GRIN2A: variants seen among roughly 807,000 people sequenced by gnomAD.
The protein encoded by GRIN2A is glutamate receptor ionotropic, NMDA 2A.
In GRIN2A, 22 loss-of-function variants were observed where a neutral mutation model predicts 113.4. That is an observed-to-expected ratio of 0.19 (90% CI 0.14 to 0.28). GRIN2A has a LOEUF of 0.28. Ranked by LOEUF, GRIN2A falls within the 10% of genes least tolerant of loss-of-function variation. The pLI is 1.00. For synonymous variants in GRIN2A, 827 were observed against 738.4 expected (o/e 1.12, Z -1.94); for missense variants, 1,502 against 1,887.0 (o/e 0.80, Z 3.78).
intron 2 of GRIN2A, among the ~76,000 whole-genome samples, chr16:9,970,256 G>C (rs1474818665): frequency 6.6e-6 from 1 of 152,152 alleles, no homozygotes; most frequent in Non-Finnish European, 1.5e-5. Context: ...TGACCTGTAA[G>C]GTTCATAGTC....
intron 4 of GRIN2A, among the ~76,000 whole-genome samples, chr16:9,877,612 C>T (rs2043393481): frequency 7.7e-6 from 1 of 130,020 alleles, no homozygotes; most frequent in Non-Finnish European, 1.6e-5. Context: ...CCCCTTCTCT[C>T]TCCCCCTTCC....
intron 4 of GRIN2A, among the ~76,000 whole-genome samples, chr16:9,861,707 C>T (rs727605): frequency 0.31 from 46,425 of 151,994 alleles, 7,268 homozygotes; most frequent in African/African-American, 0.34. Context: ...TGAAATCAAG[C>T]GTCACTTTGG....
At chr16:9,847,513 C>G (rs914576856) in intron 5 of GRIN2A, among the ~76,000 whole-genome samples, 1 of 151,728 alleles carries the variant, frequency 6.6e-6, no homozygotes, top group Admixed American at 6.6e-5. Context: ...TGCAGTGAGC[C>G]GTGATCACAC....
intron 4 of GRIN2A, among the ~76,000 whole-genome samples, chr16:9,885,806 G>A (rs76817839): frequency 0.019 from 2,884 of 152,336 alleles, 32 homozygotes; most frequent in Non-Finnish European, 0.027. Context: ...AGCACACGGA[G>A]TTATTTCTGA....
intron 2 of GRIN2A, among the ~76,000 whole-genome samples, chr16:10,020,156 G>A (rs1043221599): frequency 3.9e-5 from 6 of 152,216 alleles, no homozygotes; most frequent in African/African-American, 1.4e-4. Flanking sequence ...GCTCACGCCT[G>A]TAATCCCAGC....
intron 2 of GRIN2A, among the ~76,000 whole-genome samples, chr16:10,020,325 A>T (rs976929652): frequency 7.3e-5 from 11 of 151,576 alleles, no homozygotes; most frequent in Non-Finnish European, 1.6e-4. Context: ...GCTCATTGAA[A>T]CTCTTTGGGC....
chr16:10,096,619 C>G (rs79115472), intron 2 of GRIN2A, among the ~76,000 whole-genome samples: 2 of 151,538 alleles, frequency 1.3e-5, no homozygotes, highest in Admixed American at 1.3e-4. Flanking sequence ...CCCACATCAC[C>G]TTTCCCAAAT....
chr16:10,052,531 T>C lies in GRIN2A; in HGVS notation c.415-113980A>G, dbSNP rs190585429. Among the ~76,000 whole-genome samples the C allele has an allele frequency of 7.2e-5, 11 of 152,338 alleles. No individual in the cohort carries two copies. The East Asian group carries it at 2.1e-3, about 29-fold the overall frequency. ...CTGCCCCAGGGGACATGAATGATGC[T>C]TCTAGCCAGGGAGAGGGGTGGGCTA... On this transcript the variant is annotated intron_variant, in intron 2 of 12. Transcript: ENST00000330684.
In GRIN2A at chr16:10,055,046, T is replaced by TAAAAAAAAAAAAAAAAAAAAAAAA. The variant is rs1567266287; in HGVS notation, c.415-116496_415-116495insTTTTTTTTTTTTTTTTTTTTTTTT. On this transcript the variant is annotated intron_variant, in intron 2 of 12. Transcript: ENST00000330684. ...CCAGGCAACAGAGCGAGACTCTATC[T>TAAAAAAAAAAAAAAAAAAAAAAAA]CAAAAAAAAAAAAAAAAAAAAAAAA... 7.2e-4 allele frequency among the ~76,000 whole-genome samples: 9 copies of TAAAAAAAAAAAAAAAAAAAAAAAA among 12,486 alleles called. 2 individuals carry two copies. The highest frequency in any genetic ancestry group is 1.1e-3 in the Non-Finnish European group (8 of 7,466). The allele number at this position is 12,486 out of a possible 152,430, so 8.2% of individuals were successfully genotyped here. A position where few individuals can be genotyped will look rare whatever the true frequency, so the allele number is the denominator to read the frequency against.
At position 10,110,352 on chromosome 16, in the gene GRIN2A, A is replaced by C. The variant is rs143352273; in HGVS notation, c.414+69646T>G. On this transcript the variant is annotated intron_variant, in intron 2 of 12. Coordinates refer to ENST00000330684, the MANE Select transcript of GRIN2A (RefSeq NM_001134407.3). ...GGCTAGATCACACAGGACCTCATCAAGGTAAATAGTTTGGATTTTTTAATA... is the reference window on the plus strand; with the variant it reads ...GGCTAGATCACACAGGACCTCATCACGGTAAATAGTTTGGATTTTTTAATA... Among the ~76,000 whole-genome samples the C allele has an allele frequency of 2.6e-3, 392 of 152,370 alleles. 1 individual carries two copies. The highest frequency in any genetic ancestry group is 9.0e-3 in the African/African-American group (373 of 41,590).
intron 2 of GRIN2A, among the ~76,000 whole-genome samples, chr16:9,976,109 C>A (rs1407754474): frequency 6.6e-6 from 1 of 152,202 alleles, no homozygotes; most frequent in African/African-American, 2.4e-5. Context: ...TATAAACCAA[C>A]TTTTTAAAAT....
chr16:9,822,126 C>T, intron 10 of GRIN2A, 138 bp downstream of exon 10: 1 of 935,426 alleles, frequency 1.1e-6, no homozygotes, highest in African/African-American at 1.6e-5. Flanking sequence ...AAACTGCCCT[C>T]AACTGGGGCC....
At chr16:10,001,126 C>T (rs373535135) in intron 2 of GRIN2A, among the ~76,000 whole-genome samples, 21 of 152,292 alleles carry the variant, frequency 1.4e-4, no homozygotes, top group Middle Eastern at 3.4e-3. Flanking sequence ...TTCCTTTCTT[C>T]GCCTCAGTTT....
chr16:9,859,476 C>T (rs1028673026), intron 4 of GRIN2A, among the ~76,000 whole-genome samples: 3 of 152,020 alleles, frequency 2.0e-5, no homozygotes, highest in Admixed American at 1.3e-4. Context: ...ACATGAACCT[C>T]TACATAAAAG....
At chr16:10,034,498 C>T (rs1188517619) in intron 2 of GRIN2A, among the ~76,000 whole-genome samples, 2 of 120,522 alleles carry the variant, frequency 1.7e-5, no homozygotes, top group Non-Finnish European at 3.2e-5. Flanking sequence ...GCACCCCAGG[C>T]TGGACGATAA....
chr16:10,041,910 T>C (rs2047173701), intron 2 of GRIN2A, among the ~76,000 whole-genome samples: 1 of 152,232 alleles, frequency 6.6e-6, no homozygotes, highest in African/African-American at 2.4e-5. Flanking sequence ...TATTTGTTCC[T>C]TTCCACATTC....
chr16:9,840,873 C>G (rs2042664427), intron 6 of GRIN2A, 63 bp downstream of exon 6: 4 of 1,538,878 alleles, frequency 2.6e-6, no homozygotes, highest in Non-Finnish European at 3.6e-6. Context: ...TTCCTGCTAA[C>G]ATTCCTGAGG....
Position 9,825,979 on chromosome 16 carries a change from G to C in GRIN2A, c.2007+3444C>G, listed in dbSNP as rs115631015. ...GAAGATGATGGAAGGAGTAGGAGGA[G>C]AAGGGAGACAAAGAGAAGGAGAGGG... On this transcript the variant is annotated intron_variant, in intron 9 of 12. Transcript: ENST00000330684. Among the ~76,000 whole-genome samples, 151 of 151,198 alleles carry C rather than the reference G, an allele frequency of 1.0e-3. 1 individual carries two copies. Among genetic ancestry groups the C allele is most frequent in the African/African-American group, 3.4e-3 (142 of 41,206 alleles).
Position 9,762,930 on chromosome 16 carries a change from A to C in GRIN2A, c.*219T>G. ...GTTATTTTTGGTTAAGGACTCACCT[A>C]TCTGGTGTCTGCCATGCTCAGCACA... On this transcript the variant is annotated 3_prime_UTR_variant, in exon 13 of 13. Transcript: ENST00000330684. 1.7e-6 allele frequency: 1 copy of C among 603,136 alleles called. No homozygotes were observed. Among genetic ancestry groups the C allele is most frequent in the Non-Finnish European group, 2.9e-6 (1 of 340,392 alleles). 37.4% of individuals were successfully genotyped at this position (603,136 alleles called of 1,614,324 possible).
Sources: gnomAD v4.1 joint callset for allele counts (sites outside exome capture counted in the v4.1 genomes callset) on GRCh38, gnomAD v4.1.1 for gene constraint, MANE v1.5 for transcripts, NCBI Gene and HGNC (gene_info 2026-07-23, HGNC 2026-07-21) for gene names.